CLIC6: variants seen among roughly 807,000 people sequenced by gnomAD.
CLIC6 encodes chloride intracellular channel protein 6.
CLIC6 carries 39 observed loss-of-function variants against 49.2 expected under a neutral mutation model. The ratio of observed to expected loss-of-function variants is 0.79; its 90% CI spans 0.61 to 1.04. The LOEUF (loss-of-function observed/expected upper bound fraction) is 1.04, where lower values mean the gene tolerates loss of function less well. Ranked by LOEUF, CLIC6 falls within the 50% of genes least tolerant of loss-of-function variation. The pLI, the probability that CLIC6 is intolerant of heterozygous loss-of-function variation, is 0.00. For synonymous variants in CLIC6, 446 were observed against 433.4 expected (o/e 1.03, Z -0.36); for missense variants, 988 against 993.1 (o/e 0.99, Z 0.07).
At chr21:34,699,587 C>G (rs1227042957) in intron 1 of CLIC6, among the ~76,000 whole-genome samples, 2 of 151,970 alleles carry the variant, frequency 1.3e-5, no homozygotes, top group Non-Finnish European at 2.9e-5. Context: ...TTAAAGTCAC[C>G]TTAGAAATTG....
chr21:34,706,401 C>A (rs2145817280), intron 1 of CLIC6, among the ~76,000 whole-genome samples: 1 of 152,302 alleles, frequency 6.6e-6, no homozygotes, highest in East Asian at 1.9e-4. Flanking sequence ...CAGGCCCTGC[C>A]TCCAATACTG....
intron 5 of CLIC6, among the ~76,000 whole-genome samples, chr21:34,710,723 G>T (rs927146975): frequency 1.3e-5 from 2 of 152,134 alleles, no homozygotes; most frequent in African/African-American, 4.8e-5. Flanking sequence ...TGAGGCAGGA[G>T]AATCGCTTGA....
intron 4 of CLIC6, among the ~76,000 whole-genome samples, 184 bp from the exon 5 acceptor site, chr21:34,709,171 AGT>A (rs1196738605): frequency 6.6e-6 from 1 of 152,200 alleles, no homozygotes; most frequent in Non-Finnish European, 1.5e-5. Flanking sequence ...TGTAGACAGC[AGT>A]GTGATTTTCC....
intron 1 of CLIC6, among the ~76,000 whole-genome samples, chr21:34,698,358 A>G (rs1330915490): frequency 6.6e-6 from 1 of 151,010 alleles, no homozygotes; most frequent in Non-Finnish European, 1.5e-5. Context: ...TGGGTGCTAA[A>G]GGAAGGAAGG....
intron 1 of CLIC6, among the ~76,000 whole-genome samples, chr21:34,703,826 G>A (rs887374271): frequency 2.2e-4 from 33 of 152,084 alleles, no homozygotes; most frequent in African/African-American, 8.0e-4. Flanking sequence ...AGAGCTTTTC[G>A]GAATGTGGTG....
Position 34,670,572 on chromosome 21 carries a change from A to G in CLIC6, c.1184A>G (p.Asp395Gly). Residue 395 changes from aspartate (D) to glycine (G), a missense_variant, in exon 1 of 6, where the codon GAC becomes GGC. Physicochemically the swap from Asp to Gly is moderately conservative, Grantham distance 94. This residue lies in a region of CLIC6 where 647 missense variants were observed against 596.9 expected (regional missense o/e 1.08). Transcript: ENST00000349499. ...EAAGGEEESPDSSPHGEASRG... is the reference protein window; with the variant it reads ...EAAGGEEESPGSSPHGEASRG... The stretch of plus-strand genomic sequence containing the variant: ...GCGGGGGGCGAAGAGGAATCCCCCG[A>G]CAGCAGCCCACATGGGGAGGCCTCC... 6.6e-7 allele frequency: 1 copy of G among 1,512,912 alleles called. No individual in the cohort carries two copies. The highest frequency in any genetic ancestry group is 2.5e-5 in the East Asian group (1 of 40,376). The allele number at this position is 1,512,912 out of a possible 1,614,324, so 93.7% of individuals were successfully genotyped here.
intron 1 of CLIC6, among the ~76,000 whole-genome samples, chr21:34,687,285 T>A (rs1989900885): frequency 6.6e-6 from 1 of 152,176 alleles, no homozygotes; most frequent in East Asian, 1.9e-4. Context: ...ATTGGACTAC[T>A]CTGTCATTCA....
intron 5 of CLIC6, among the ~76,000 whole-genome samples, chr21:34,709,915 G>C (rs1238233724): frequency 1.3e-5 from 2 of 152,154 alleles, no homozygotes. Context: ...GTCTACTGTT[G>C]GTGATTGTAG....
At position 34,717,146 on chromosome 21, in the gene CLIC6, C is replaced by T. The variant is rs748121971; in HGVS notation, c.*664C>T. 5 of 152,218 alleles carry T rather than the reference C, an allele frequency of 3.3e-5. No individual in the cohort carries two copies. Among genetic ancestry groups the T allele is most frequent in the Non-Finnish European group, 5.9e-5 (4 of 68,094 alleles). The allele number at this position is 152,218 out of a possible 1,614,324, so 9.4% of individuals were successfully genotyped here. The stretch of plus-strand genomic sequence containing the variant: ...CACCCCCACTCTGCCTCATTTCTGC[C>T]TCCAGGATGCCACTGCCTCTGCTTC... On this transcript the variant is annotated 3_prime_UTR_variant, in exon 6 of 6. Coordinates refer to ENST00000349499, the MANE Select transcript of CLIC6 (RefSeq NM_053277.3).
chr21:34,706,826 A>G (rs1568969423), intron 1 of CLIC6, among the ~76,000 whole-genome samples: 1 of 152,214 alleles, frequency 6.6e-6, no homozygotes, highest in Non-Finnish European at 1.5e-5. Flanking sequence ...TACTCTTGAT[A>G]GTATCTGGGT....
chr21:34,676,227 G>A (rs1023014821), intron 1 of CLIC6, among the ~76,000 whole-genome samples: 7 of 152,148 alleles, frequency 4.6e-5, no homozygotes, highest in Admixed American at 2.6e-4. Context: ...TGTCCTTTCG[G>A]ACACCTAGAT....
chr21:34,707,265 C>A lies in CLIC6; in HGVS notation c.1375-15C>A. Reference sequence around the variant, plus strand: ...TGAGACTGGCTCAGATAGAAATCTCCTTCTCCACTTGTAGGCTGGTTATGA... The same window carrying A: ...TGAGACTGGCTCAGATAGAAATCTCATTCTCCACTTGTAGGCTGGTTATGA... On this transcript the variant is annotated splice_polypyrimidine_tract_variant and intron_variant, in intron 1 of 5. Transcript: ENST00000349499. 1.3e-6 allele frequency: 2 copies of A among 1,591,724 alleles called. No individual in the cohort carries two copies. Among genetic ancestry groups the A allele is most frequent in the African/African-American group, 1.3e-5 (1 of 74,604 alleles).
Position 34,708,771 on chromosome 21 carries a change from C to T in CLIC6, c.1682C>T (p.Ala561Val), listed in dbSNP as rs371684956. ...AATGACGTGTTTGCCAAATTCTCAG[C>T]GTTTATAAAAAACACGAAGAAGGAT... ...AGNDVFAKFS[A>V]FIKNTKKDAN... The change falls in exon 4 of 6, where the codon GCG (alanine) becomes GTG (valine). Residue 561 changes from alanine (A) to valine (V), a missense_variant. Physicochemically the swap from Ala to Val is moderately conservative, Grantham distance 64. This residue lies in a region of CLIC6 where 647 missense variants were observed against 596.9 expected (regional missense o/e 1.08). Coordinates refer to ENST00000349499, the MANE Select transcript of CLIC6 (RefSeq NM_053277.3). The T allele has an allele frequency of 1.1e-5, 18 of 1,613,872 alleles. No homozygotes were observed. Among genetic ancestry groups the T allele is most frequent in the African/African-American group, 9.3e-5 (7 of 74,906 alleles).
At chr21:34,672,598 C>A (rs937132262) in intron 1 of CLIC6, among the ~76,000 whole-genome samples, 1 of 152,180 alleles carries the variant, frequency 6.6e-6, no homozygotes, top group Admixed American at 6.5e-5. Context: ...ATGTCTCTTT[C>A]CTCAGCTGTG....
intron 5 of CLIC6, among the ~76,000 whole-genome samples, chr21:34,713,491 C>T (rs1329405699): frequency 2.0e-5 from 3 of 152,252 alleles, no homozygotes; most frequent in East Asian, 1.9e-4. Flanking sequence ...CTCTGACATT[C>T]GCACACATCT....
intron 1 of CLIC6, among the ~76,000 whole-genome samples, chr21:34,695,323 G>T (rs182416146): frequency 6.6e-6 from 1 of 152,172 alleles, no homozygotes; most frequent in African/African-American, 2.4e-5. Flanking sequence ...ATTTTCAAGC[G>T]CTCATGTGAT....
At chr21:34,695,300 G>A (rs1192769569) in intron 1 of CLIC6, among the ~76,000 whole-genome samples, 6 of 152,194 alleles carry the variant, frequency 3.9e-5, no homozygotes, top group Admixed American at 3.9e-4. Flanking sequence ...GACCACAGCT[G>A]GGAAAGGTTC....
At chr21:34,701,686 A>G (rs1392884638) in intron 1 of CLIC6, among the ~76,000 whole-genome samples, 1 of 152,206 alleles carries the variant, frequency 6.6e-6, no homozygotes, top group African/African-American at 2.4e-5. Context: ...GCCAGCACCC[A>G]TTCCCGTCCA....
chr21:34,706,121 T>A (rs1319574412), intron 1 of CLIC6: 1 of 654,060 alleles, frequency 1.5e-6, no homozygotes, highest in Non-Finnish European at 2.7e-6. Flanking sequence ...TTGGCTCAAA[T>A]GCTGCAGGCT....
Sources: allele counts gnomAD v4.1 joint callset (sites outside exome capture counted in the v4.1 genomes callset), GRCh38; gene constraint gnomAD v4.1.1; regional missense constraint gnomAD v4.1.1; transcripts MANE v1.5; gene names NCBI Gene and HGNC (gene_info 2026-07-23, HGNC 2026-07-21).